The following FAT4 variants were observed in gnomAD, a reference collection of about 807,000 sequenced individuals.
The protein encoded by FAT4 is FAT atypical cadherin 4.
FAT4 carries 84 observed loss-of-function variants against 303.9 expected under a neutral mutation model. The observed-to-expected ratio is 0.28, with a 90% CI of 0.23 to 0.33. The LOEUF is 0.33. Ranked by LOEUF, FAT4 falls within the 10% of genes least tolerant of loss-of-function variation. The pLI is 1.00. For missense variants in FAT4, 6,005 were observed against 6,146.8 expected, an observed-to-expected ratio of 0.98 and a Z score of 0.77; for synonymous variants, 2,307 against 2,298.8, an observed-to-expected ratio of 1.00 and a Z score of -0.10.
chr4:125,315,096 GC>G lies in FAT4; in HGVS notation c.-892del, dbSNP rs947887796. Among the ~76,000 whole-genome samples, 3 of 152,074 alleles carry G rather than the reference GC, an allele frequency of 2.0e-5. No homozygotes were observed. Among genetic ancestry groups the G allele is most frequent in the Admixed American group, 1.3e-4 (2 of 15,280 alleles). On this transcript the variant is annotated 5_prime_UTR_variant, in exon 1 of 18. The change creates a premature stop within an existing upstream ORF in the 5' untranslated region. Transcript: ENST00000394329. ...CGTGTGTATGTGTGTGTGTGTGCAT[GC>G]CTGTGCGGCGGGGAAGGGGCGGGGA... is the stretch of plus-strand genomic sequence containing the variant.
Position 125,448,536 on chromosome 4 carries a change from G to T in FAT4, c.7526G>T (p.Gly2509Val). 2 of 1,613,754 alleles carry T rather than the reference G, an allele frequency of 1.2e-6. No individual in the cohort carries two copies. The highest frequency in any genetic ancestry group is 1.7e-6 in the Non-Finnish European group (2 of 1,179,842). ...TCTGAACTGCATTATTCTCTTTCGG[G>T]TAGAAATTCTGAAAAATTTCACATT... ...PNSELHYSLS[G>V]RNSEKFHIDP... The change falls in exon 10 of 18, where the codon GGT (glycine) becomes GTT (valine). Residue 2509 changes from glycine (G) to valine (V), a missense_variant. Gly to Val is a moderately radical substitution (Grantham distance 109, BLOSUM62 -3). Transcript: ENST00000394329.
rs115771039 is a variant in FAT4 at position 125,405,356 on chromosome 4, G to A, written c.5308-1524G>A. Among the ~76,000 whole-genome samples the A allele has an allele frequency of 5.1e-3, 775 of 152,092 alleles. 9 individuals carry two copies. The highest frequency in any genetic ancestry group is 0.018 in the African/African-American group (726 of 41,482). Reference sequence around the variant, plus strand: ...ATCATTTTGCATTCCCACCAACAGTGTACAAGGGTTCCAATTTCCCCACTT... The same window carrying A: ...ATCATTTTGCATTCCCACCAACAGTATACAAGGGTTCCAATTTCCCCACTT... On this transcript the variant is annotated intron_variant, in intron 3 of 17. Transcript: ENST00000394329.
chr4:125,419,102 A>T (rs971760743), intron 7 of FAT4, among the ~76,000 whole-genome samples: 1 of 152,172 alleles, frequency 6.6e-6, no homozygotes, highest in African/African-American at 2.4e-5. Context: ...CAACTTTACT[A>T]TTCCTTCATG....
chr4:125,315,060 GTGTGTGTGTGCGTGTGTA>G lies in FAT4; in HGVS notation c.-919_-902del, dbSNP rs1428028248. On this transcript the variant is annotated 5_prime_UTR_variant, in exon 1 of 18. An upstream start codon of the reference 5' UTR is lost. Transcript: ENST00000394329. ...TTTGTGTTTCGGCGACGCGCTGTGT[GTGTGTGTGTGCGTGTGTA>G]TGTGTGTGTGTGTGCATGCCTGTGC... 6.6e-6 allele frequency among the ~76,000 whole-genome samples: 1 copy of G among 152,032 alleles called. No individual in the cohort carries two copies. Among genetic ancestry groups the G allele is most frequent in the Non-Finnish European group, 1.5e-5 (1 of 67,970 alleles).
chr4:125,423,461 A>C (rs1346491489), intron 7 of FAT4, among the ~76,000 whole-genome samples: 1 of 152,218 alleles, frequency 6.6e-6, no homozygotes, highest in Non-Finnish European at 1.5e-5. Context: ...GGAAGTTTCC[A>C]CATGGTGTTG....
chr4:125,491,778 A>C lies in FAT4; in HGVS notation c.*10A>C, dbSNP rs755144286. The C allele has an allele frequency of 3.8e-6, 6 of 1,585,820 alleles. No homozygotes were observed. Among genetic ancestry groups the C allele is most frequent in the Non-Finnish European group, 5.1e-6 (6 of 1,168,506 alleles). On this transcript the variant is annotated 3_prime_UTR_variant, in exon 18 of 18. Transcript: ENST00000394329. The stretch of plus-strand genomic sequence containing the variant: ...AGAACAGTATGTGTGAAGTTTATGT[A>C]CTGGCACTATAAAATATAAAAACAA...
At position 125,373,960 on chromosome 4, in the gene FAT4, T is replaced by C. The variant is rs139373707; in HGVS notation, c.5176-24824T>C. 2.0e-4 allele frequency among the ~76,000 whole-genome samples: 30 copies of C among 152,340 alleles called. No individual in the cohort carries two copies. The East Asian group carries it at 5.4e-3, about 27-fold the overall frequency. Reference sequence around the variant, plus strand: ...ATATATGATTTCAGACGATTTCCTATTTAAATAAATTAGGATAAATGACAT... The same window carrying C: ...ATATATGATTTCAGACGATTTCCTACTTAAATAAATTAGGATAAATGACAT... On this transcript the variant is annotated intron_variant, in intron 2 of 17. Coordinates refer to ENST00000394329, the MANE Select transcript of FAT4 (RefSeq NM_001291303.3).
intron 2 of FAT4, among the ~76,000 whole-genome samples, chr4:125,365,488 A>C (rs1388476636): frequency 6.6e-6 from 1 of 151,964 alleles, no homozygotes; most frequent in Non-Finnish European, 1.5e-5. Context: ...TTTGCTCTCT[A>C]TTGTCTTTCC....
chr4:125,416,700 C>G, intron 7 of FAT4, 78 bp downstream of exon 7: 2 of 1,440,654 alleles, frequency 1.4e-6, no homozygotes, highest in Non-Finnish European at 9.5e-7. Flanking sequence ...AACCCCAGCA[C>G]TTTGGGAGGC....
At chr4:125,393,942 A>G (rs2126008937) in intron 2 of FAT4, 1 of 780,170 alleles carries the variant, frequency 1.3e-6, no homozygotes, top group Middle Eastern at 2.3e-4. Context: ...CTAAATGGTA[A>G]CAACGGTAGT....
chr4:125,397,241 T>C (rs1419506311), intron 2 of FAT4, among the ~76,000 whole-genome samples: 1 of 152,044 alleles, frequency 6.6e-6, no homozygotes, highest in Non-Finnish European at 1.5e-5. Flanking sequence ...CTTCACAAAA[T>C]ACTCTAGGAC....
chr4:125,327,659 A>G (rs915942048), intron 2 of FAT4, among the ~76,000 whole-genome samples: 4 of 151,956 alleles, frequency 2.6e-5, no homozygotes, highest in Non-Finnish European at 5.9e-5. Flanking sequence ...TGCTTGATTT[A>G]CTCCTGCTGC....
At chr4:125,334,922 A>G (rs937945618) in intron 2 of FAT4, among the ~76,000 whole-genome samples, 1 of 152,176 alleles carries the variant, frequency 6.6e-6, no homozygotes, top group Non-Finnish European at 1.5e-5. Context: ...TTGCAACGCC[A>G]GCTTAATATT....
chr4:125,372,251 A>G (rs1023824498), intron 2 of FAT4, among the ~76,000 whole-genome samples: 4 of 152,038 alleles, frequency 2.6e-5, no homozygotes, highest in African/African-American at 9.7e-5. Flanking sequence ...AGTTCCAGCT[A>G]ATCAGGAGGC....
At position 125,451,756 on chromosome 4, in the gene FAT4, C is replaced by T. The variant is rs776610322; in HGVS notation, c.10746C>T (p.Phe3582=). 2.5e-6 allele frequency: 4 copies of T among 1,614,202 alleles called. No individual in the cohort carries two copies. Among genetic ancestry groups the T allele is most frequent in the Non-Finnish European group, 2.5e-6 (3 of 1,180,036 alleles). ...REIDREQIAD[F]YLSVVTKDSG... ...TTGACAGAGAGCAGATTGCAGACTT[C>T]TATCTGTCTGTGGTTACCAAGGATT... The change falls in exon 10 of 18, where the codon TTC becomes TTT. Residue 3582 remains phenylalanine, a synonymous_variant. Transcript: ENST00000394329.
At chr4:125,366,384 G>A (rs993720521) in intron 2 of FAT4, among the ~76,000 whole-genome samples, 20 of 152,222 alleles carry the variant, frequency 1.3e-4, no homozygotes, top group Non-Finnish European at 2.2e-4. Flanking sequence ...AGTTGGGTAA[G>A]GAAATGGTCT....
chr4:125,432,236 T>G (rs534877992), intron 7 of FAT4, among the ~76,000 whole-genome samples: 2 of 152,136 alleles, frequency 1.3e-5, no homozygotes, highest in Admixed American at 6.5e-5. Flanking sequence ...TTCTTGTCAG[T>G]GGTAAAGACT....
intron 2 of FAT4, among the ~76,000 whole-genome samples, chr4:125,323,768 A>C (rs903596123): frequency 6.6e-6 from 1 of 152,300 alleles, no homozygotes; most frequent in Non-Finnish European, 1.5e-5. Flanking sequence ...TAAGTTATAC[A>C]TTTCCTCTTG....
At chr4:125,329,248 A>G (rs754462444) in intron 2 of FAT4, among the ~76,000 whole-genome samples, 1 of 152,088 alleles carries the variant, frequency 6.6e-6, no homozygotes, top group African/African-American at 2.4e-5. Flanking sequence ...ATCTACTCCC[A>G]TCAGACTTGG....
Sources: gnomAD v4.1 joint callset for allele counts (sites outside exome capture counted in the v4.1 genomes callset) on GRCh38, gnomAD v4.1.1 for gene constraint, MANE v1.5 for transcripts, NCBI Gene and HGNC (gene_info 2026-07-23, HGNC 2026-07-21) for gene names.